Variants in MBNL1 observed in about 807,000 individuals in gnomAD.
The protein encoded by MBNL1 is muscleblind like splicing regulator 1, also known as muscleblind-like protein 1.
MBNL1 carries 8 observed loss-of-function variants against 42.2 expected under a neutral mutation model. The observed-to-expected ratio is 0.19, with a 90% CI of 0.11 to 0.34. The LOEUF (loss-of-function observed/expected upper bound fraction) is 0.34. Ranked by LOEUF, MBNL1 falls within the 10% of genes least tolerant of loss-of-function variation. The pLI is 1.00. For synonymous variants in MBNL1, 169 were observed against 173.9 expected, an observed-to-expected ratio of 0.97 and a Z score of 0.22; for missense variants, 309 against 495.3, an observed-to-expected ratio of 0.62 and a Z score of 3.57.
intron 2 of MBNL1, among the ~76,000 whole-genome samples, chr3:152,346,826 G>A (rs1418127284): frequency 6.6e-6 from 1 of 151,402 alleles, no homozygotes; most frequent in Admixed American, 6.6e-5. Flanking sequence ...TACCTCAGTG[G>A]GTATAGTGAC....
intron 2 of MBNL1, among the ~76,000 whole-genome samples, chr3:152,369,717 C>T (rs532619028): frequency 2.2e-4 from 34 of 152,214 alleles, no homozygotes; most frequent in South Asian, 4.1e-4. Context: ...AGGGATTTGA[C>T]TTCTTTCTGG....
intron 2 of MBNL1, among the ~76,000 whole-genome samples, chr3:152,303,395 A>AGTCTAAG (rs1467940978): frequency 1.3e-5 from 2 of 152,172 alleles, no homozygotes; most frequent in African/African-American, 4.8e-5. Context: ...AATTTATAAT[A>AGTCTAAG]GTCTAAGAGC....
At chr3:152,296,687 TG>T (rs2058660258) in intron 1 of MBNL1, among the ~76,000 whole-genome samples, 1 of 151,910 alleles carries the variant, frequency 6.6e-6, no homozygotes, top group Non-Finnish European at 1.5e-5. Flanking sequence ...TGTGTGTGTG[TG>T]TGTGTGTGTG....
intron 3 of MBNL1, among the ~76,000 whole-genome samples, chr3:152,421,154 CA>C (rs1274958485): frequency 6.6e-6 from 1 of 152,176 alleles, no homozygotes; most frequent in Non-Finnish European, 1.5e-5. Flanking sequence ...TGGTGTACCT[CA>C]AAGTGATGGG....
chr3:152,396,660 A>AT (rs1179765770), intron 2 of MBNL1, among the ~76,000 whole-genome samples: 2 of 152,144 alleles, frequency 1.3e-5, no homozygotes, highest in African/African-American at 4.8e-5. Context: ...TTTCTGTAAT[A>AT]TATCCTATAT....
intron 4 of MBNL1, among the ~76,000 whole-genome samples, chr3:152,442,908 A>C (rs563101880): frequency 6.6e-6 from 1 of 152,334 alleles, no homozygotes; most frequent in Non-Finnish European, 1.5e-5. Context: ...GAATAATGTG[A>C]GAGTAGCTAT....
At chr3:152,344,059 AC>A (rs35065651) in intron 2 of MBNL1, among the ~76,000 whole-genome samples, 83,180 of 151,362 alleles carry the variant, frequency 0.55, 23,166 homozygotes, top group Middle Eastern at 0.62. Flanking sequence ...GTAAAAGATG[AC>A]CTTTTTTTGG....
At chr3:152,434,779 G>A (rs1268223288) in intron 4 of MBNL1, among the ~76,000 whole-genome samples, 1 of 152,002 alleles carries the variant, frequency 6.6e-6, no homozygotes, top group Non-Finnish European at 1.5e-5. Context: ...GTTTTGATTT[G>A]CATTTCTCTA....
intron 1 of MBNL1, among the ~76,000 whole-genome samples, chr3:152,281,101 C>T (rs947162517): frequency 1.6e-4 from 25 of 152,102 alleles, no homozygotes; most frequent in Non-Finnish European, 1.9e-4. Flanking sequence ...CTACTTTCTT[C>T]GTAGGAACTT....
chr3:152,306,116 C>T (rs1245961010), intron 2 of MBNL1, among the ~76,000 whole-genome samples: 1 of 152,192 alleles, frequency 6.6e-6, no homozygotes, highest in Non-Finnish European at 1.5e-5. Context: ...TTTGTTATCT[C>T]TGAGTTCTTT....
chr3:152,411,792 T>C (rs146234084), intron 2 of MBNL1, among the ~76,000 whole-genome samples: 1 of 152,360 alleles, frequency 6.6e-6, no homozygotes, highest in African/African-American at 2.4e-5. Flanking sequence ...CTTACAAACC[T>C]GCTTCTGTTT....
chr3:152,348,947 G>A (rs913303287), intron 2 of MBNL1, among the ~76,000 whole-genome samples: 2 of 152,046 alleles, frequency 1.3e-5, no homozygotes, highest in African/African-American at 2.4e-5. Context: ...GGTGAAATAT[G>A]AGATTAGGGC....
At chr3:152,243,861 A>G (rs755629215) in exon 1 of MBNL1, 2 of 152,478 alleles carry the variant, frequency 1.3e-5, no homozygotes, top group African/African-American at 4.8e-5. Context: ...CTGGAAAGCA[A>G]TGGCCGCGAT....
At chr3:152,373,312 G>T (rs977794954) in intron 2 of MBNL1, among the ~76,000 whole-genome samples, 1 of 145,226 alleles carries the variant, frequency 6.9e-6, no homozygotes, top group Non-Finnish European at 1.5e-5. Flanking sequence ...CAGTTCTGTC[G>T]CTGGCCTTCC....
intron 2 of MBNL1, among the ~76,000 whole-genome samples, chr3:152,305,586 C>A (rs2062691349): frequency 6.6e-6 from 1 of 151,612 alleles, no homozygotes. Flanking sequence ...ATCATGACTG[C>A]CAGTAGAAGT....
At chr3:152,374,819 G>T (rs1228812841) in intron 2 of MBNL1, among the ~76,000 whole-genome samples, 1 of 152,154 alleles carries the variant, frequency 6.6e-6, no homozygotes, top group Non-Finnish European at 1.5e-5. Context: ...CAAATCCTTT[G>T]TGTTCTCATA....
chr3:152,388,462 C>G (rs1163934271), intron 2 of MBNL1, among the ~76,000 whole-genome samples: 1 of 152,178 alleles, frequency 6.6e-6, no homozygotes, highest in African/African-American at 2.4e-5. Flanking sequence ...TTTATTAACC[C>G]TACCAGTCCC....
intron 2 of MBNL1, among the ~76,000 whole-genome samples, chr3:152,252,165 T>TTCCTTCCCTCCTTCCTTCCTTCCC: frequency 1.4e-5 from 2 of 144,234 alleles, no homozygotes; most frequent in African/African-American, 5.3e-5. Flanking sequence ...CCTTCCTTCC[T>TTCCTTCCCTCCTTCCTTCCTTCCC]TCCTTCCTTC....
At chr3:152,453,079 CTTG>C (rs964654067) in intron 6 of MBNL1, among the ~76,000 whole-genome samples, 2 of 151,690 alleles carry the variant, frequency 1.3e-5, no homozygotes, top group African/African-American at 4.8e-5. Context: ...GAAGGTACTG[CTTG>C]TTTGGATACC....
Sources: allele counts gnomAD v4.1 joint callset (sites outside exome capture counted in the v4.1 genomes callset), GRCh38; gene constraint gnomAD v4.1.1; transcripts MANE v1.5; gene names NCBI Gene and HGNC (gene_info 2026-07-23, HGNC 2026-07-21).